Variants in PDZD2 observed in about 807,000 individuals in gnomAD.
PDZD2 encodes the protein PDZ domain containing 2, also known as PDZ domain-containing protein 2.
A neutral mutation model predicts 220.7 loss-of-function variants in PDZD2; 90 were observed. The ratio of observed to expected loss-of-function variants is 0.41; its 90% CI spans 0.34 to 0.49. The LOEUF is 0.49. Among genes scored for constraint, PDZD2 ranks in the 20% least tolerant of loss-of-function variants. The probability of loss-of-function intolerance (pLI) is 0.28; values close to 1 mark genes in which losing one functional copy is unlikely to be tolerated. For synonymous variants in PDZD2, 1,375 were observed against 1,450.5 expected (o/e 0.95, Z 1.18); for missense variants, 3,174 against 3,608.5 (o/e 0.88, Z 3.08).
At chr5:31,791,486 A>C (rs2150220868) in intron 1 of PDZD2, among the ~76,000 whole-genome samples, 1 of 145,974 alleles carries the variant, frequency 6.9e-6, no homozygotes, top group South Asian at 2.3e-4. Flanking sequence ...GCTACTTGGG[A>C]GGCTAAGGCA....
Position 31,772,637 on chromosome 5 carries a change from C to A in PDZD2, c.-360-26252C>A, listed in dbSNP as rs112329916. ...CTTACGGATCTAGGTGGTTCCTTGA[C>A]CTTCCAGACGCAACATTAGAATATA... On this transcript the variant is annotated intron_variant, in intron 1 of 24. Coordinates refer to ENST00000438447, the MANE Select transcript of PDZD2 (RefSeq NM_178140.4). 4.9e-3 allele frequency among the ~76,000 whole-genome samples: 748 copies of A among 152,294 alleles called. 5 individuals carry two copies. Among genetic ancestry groups the A allele is most frequent in the African/African-American group, 0.017 (705 of 41,574 alleles).
chr5:32,016,777 C>T (rs1236971178), intron 6 of PDZD2, among the ~76,000 whole-genome samples: 1 of 152,192 alleles, frequency 6.6e-6, no homozygotes, highest in African/African-American at 2.4e-5. Flanking sequence ...TTCACCTCTT[C>T]CAGGAAGTCT....
intron 2 of PDZD2, among the ~76,000 whole-genome samples, chr5:31,888,155 A>C (rs1451389072): frequency 3.4e-5 from 5 of 148,588 alleles, no homozygotes; most frequent in African/African-American, 9.9e-5. Context: ...TTTCTTTTTT[A>C]TTTTCTCTTC....
chr5:31,876,565 T>C (rs1240782359), intron 2 of PDZD2, among the ~76,000 whole-genome samples: 1 of 152,144 alleles, frequency 6.6e-6, no homozygotes, highest in East Asian at 1.9e-4. Flanking sequence ...GTGCTGAGAT[T>C]ACAGGCGCGA....
At chr5:32,050,452 T>C (rs6890112) in intron 8 of PDZD2, among the ~76,000 whole-genome samples, 38,304 of 151,970 alleles carry the variant, frequency 0.25, 5,387 homozygotes, top group Middle Eastern at 0.35. Flanking sequence ...TGTCCTTTCT[T>C]TTGTCTCCTC....
chr5:31,874,487 G>T (rs1394646028), intron 2 of PDZD2, among the ~76,000 whole-genome samples: 1 of 152,124 alleles, frequency 6.6e-6, no homozygotes, highest in Non-Finnish European at 1.5e-5. Context: ...GCAGCCAGGT[G>T]TGGTGGCTCA....
intron 1 of PDZD2, among the ~76,000 whole-genome samples, chr5:31,655,127 C>T (rs1307217310): frequency 1.3e-5 from 2 of 152,186 alleles, no homozygotes; most frequent in Non-Finnish European, 2.9e-5. Flanking sequence ...TCATATCCCT[C>T]TTCTCAGCTT....
intron 1 of PDZD2, among the ~76,000 whole-genome samples, chr5:31,798,435 A>G (rs1337057172): frequency 6.6e-6 from 1 of 152,224 alleles, no homozygotes; most frequent in Non-Finnish European, 1.5e-5. Context: ...TTGTCAGAAC[A>G]GATTTCTGGA....
At chr5:32,057,816 TAACC>T in intron 11 of PDZD2, 58 bp from the exon 12 acceptor site, 1 of 1,405,836 alleles carries the variant, frequency 7.1e-7, no homozygotes, top group Non-Finnish European at 1.0e-6. Flanking sequence ...TTTTTTTTTT[TAACC>T]CTTTGATATA....
At chr5:32,002,881 C>T (rs1752335133) in intron 5 of PDZD2, among the ~76,000 whole-genome samples, 1 of 90,942 alleles carries the variant, frequency 1.1e-5, no homozygotes, top group Non-Finnish European at 2.4e-5. Flanking sequence ...ACCACACACA[C>T]ACCACACACA....
chr5:32,050,722 GA>G (rs1378066616), intron 8 of PDZD2, among the ~76,000 whole-genome samples: 1 of 152,158 alleles, frequency 6.6e-6, no homozygotes, highest in African/African-American at 2.4e-5. Flanking sequence ...TTGGGAGGCT[GA>G]GGTGGGAGGA....
Position 31,685,627 on chromosome 5 carries a change from A to G in PDZD2, c.-361+46190A>G, listed in dbSNP as rs184947134. Among the ~76,000 whole-genome samples, 388 of 152,222 alleles carry G rather than the reference A, an allele frequency of 2.5e-3. 2 individuals carry two copies. The highest frequency in any genetic ancestry group is 8.7e-3 in the African/African-American group (362 of 41,532). On this transcript the variant is annotated intron_variant, in intron 1 of 24. Coordinates refer to ENST00000438447, the MANE Select transcript of PDZD2 (RefSeq NM_178140.4). ...CAACCTCTGCCTCCTGGGCTGAAGC[A>G]TTCCTCCCACCTTAGCCTTCCGAGT...
chr5:31,973,192 G>A (rs763890622), intron 2 of PDZD2, among the ~76,000 whole-genome samples: 30 of 152,280 alleles, frequency 2.0e-4, no homozygotes, highest in Non-Finnish European at 3.4e-4. Context: ...GTAAGCTTAC[G>A]TGATAGAAAG....
At chr5:31,936,051 A>G (rs1950100299) in intron 2 of PDZD2, 1 of 983,166 alleles carries the variant, frequency 1.0e-6, no homozygotes, top group Non-Finnish European at 1.2e-6. Flanking sequence ...GGCTGGATGC[A>G]TTCATAAATG....
At chr5:31,955,311 G>GT (rs1341007044) in intron 2 of PDZD2, among the ~76,000 whole-genome samples, 3 of 150,168 alleles carry the variant, frequency 2.0e-5, no homozygotes, top group Admixed American at 6.6e-5. Context: ...GTTTTGTTTT[G>GT]TTTTTTCGAG....
rs1292309888 is a variant in PDZD2 at position 31,916,729 on chromosome 5, A to G, written c.477-66426A>G. ...GTGCTCTGCATAGAGCCAGTACAAA[A>G]CCTCCTTGCATAGCTGTTCCTGGGC... On this transcript the variant is annotated intron_variant, in intron 2 of 24. Coordinates refer to ENST00000438447, the MANE Select transcript of PDZD2 (RefSeq NM_178140.4). 6.6e-5 allele frequency among the ~76,000 whole-genome samples: 10 copies of G among 151,940 alleles called. No homozygotes were observed. In the East Asian group the frequency reaches 1.7e-3, roughly 26 times the overall value.
At chr5:32,044,413 G>A (rs1467515456) in intron 7 of PDZD2, among the ~76,000 whole-genome samples, 1 of 152,030 alleles carries the variant, frequency 6.6e-6, no homozygotes, top group African/African-American at 2.4e-5. Context: ...GGCACCATGA[G>A]GCACATACGA....
chr5:32,049,460 A>G (rs1052834969), intron 8 of PDZD2, among the ~76,000 whole-genome samples: 4 of 152,194 alleles, frequency 2.6e-5, no homozygotes, highest in Non-Finnish European at 5.9e-5. Flanking sequence ...ACCTCCACAC[A>G]TGCTTGGAAA....
At chr5:31,774,821 A>G (rs1337319214) in intron 1 of PDZD2, among the ~76,000 whole-genome samples, 4 of 152,366 alleles carry the variant, frequency 2.6e-5, no homozygotes, top group African/African-American at 7.2e-5. Flanking sequence ...CTGACTTTTT[A>G]CACATACACC....
Sources: gnomAD v4.1 joint callset for allele counts (sites outside exome capture counted in the v4.1 genomes callset) on GRCh38, gnomAD v4.1.1 for gene constraint, MANE v1.5 for transcripts, NCBI Gene and HGNC (gene_info 2026-07-23, HGNC 2026-07-21) for gene names.